DLG2: variants seen among roughly 807,000 people sequenced by gnomAD.
The protein encoded by DLG2 is disks large homolog 2.
DLG2 carries 45 observed loss-of-function variants against 132.5 expected under a neutral mutation model. The observed-to-expected ratio is 0.34, with a 90% CI of 0.27 to 0.44. The LOEUF (loss-of-function observed/expected upper bound fraction) is 0.44, where lower values mean the gene tolerates loss of function less well. Ranked by LOEUF, DLG2 falls within the 20% of genes least tolerant of loss-of-function variation. The pLI, the probability that DLG2 is intolerant of heterozygous loss-of-function variation, is 1.00. For missense variants in DLG2, 1,045 were observed against 1,196.9 expected (o/e 0.87, Z 1.87); for synonymous variants, 424 against 419.6 (o/e 1.01, Z -0.13).
intron 10 of DLG2, among the ~76,000 whole-genome samples, chr11:84,072,510 T>G (rs1043757211): frequency 6.6e-6 from 1 of 152,160 alleles, no homozygotes; most frequent in Non-Finnish European, 1.5e-5. Context: ...ATTTGGTTTT[T>G]GGGGGCCAAG....
At chr11:85,267,897 T>A (rs1211949161) in intron 4 of DLG2, among the ~76,000 whole-genome samples, 1 of 151,794 alleles carries the variant, frequency 6.6e-6, no homozygotes, top group East Asian at 1.9e-4. Flanking sequence ...TGTGTGTGTG[T>A]GTGTGTGTGT....
chr11:83,771,780 A>G (rs186417124), intron 18 of DLG2, among the ~76,000 whole-genome samples: 128 of 152,350 alleles, frequency 8.4e-4, no homozygotes, highest in Non-Finnish European at 1.5e-3. Flanking sequence ...GAAATCAATC[A>G]TTTATAAAAT....
chr11:84,466,699 T>C (rs941959383), intron 7 of DLG2, among the ~76,000 whole-genome samples: 10 of 151,346 alleles, frequency 6.6e-5, no homozygotes, highest in Non-Finnish European at 1.5e-4. Flanking sequence ...AGAATACCTA[T>C]GAGAGTACTT....
At chr11:84,420,489 C>T (rs1261697608) in intron 7 of DLG2, among the ~76,000 whole-genome samples, 2 of 152,010 alleles carry the variant, frequency 1.3e-5, no homozygotes, top group African/African-American at 4.8e-5. Flanking sequence ...CCCCAACACC[C>T]ACCAGCATCA....
At chr11:83,484,346 A>G in intron 21 of DLG2, 118 bp from the exon 22 acceptor site, 1 of 706,514 alleles carries the variant, frequency 1.4e-6, no homozygotes, top group South Asian at 1.8e-5. Flanking sequence ...CAAGTGGATA[A>G]TTCTAAAGTG....
At chr11:85,520,807 C>G (rs1242881083) in intron 3 of DLG2, among the ~76,000 whole-genome samples, 1 of 152,110 alleles carries the variant, frequency 6.6e-6, no homozygotes, top group African/African-American at 2.4e-5. Flanking sequence ...GCTGGATATT[C>G]ATATGCAGAA....
intron 15 of DLG2, among the ~76,000 whole-genome samples, chr11:83,881,052 A>C (rs916339969): frequency 2.0e-4 from 31 of 152,136 alleles, no homozygotes; most frequent in Non-Finnish European, 3.8e-4. Context: ...TTTTTTAAAA[A>C]AAATGATAAA....
At chr11:85,491,138 A>T (rs181610751) in intron 3 of DLG2, among the ~76,000 whole-genome samples, 117 of 152,272 alleles carry the variant, frequency 7.7e-4, no homozygotes, top group African/African-American at 2.8e-3. Context: ...AACAAACGTG[A>T]TACCTTATAT....
At chr11:84,731,811 A>G (rs960949308) in intron 6 of DLG2, among the ~76,000 whole-genome samples, 1 of 152,052 alleles carries the variant, frequency 6.6e-6, no homozygotes, top group Admixed American at 6.6e-5. Context: ...AAATATTTAC[A>G]TTTAAATCTG....
At chr11:85,291,885 A>G (rs2078916539) in intron 3 of DLG2, among the ~76,000 whole-genome samples, 1 of 152,106 alleles carries the variant, frequency 6.6e-6, no homozygotes, top group South Asian at 2.1e-4. Flanking sequence ...ACGCCTGGCC[A>G]GGATTCTCTT....
chr11:84,942,668 C>G (rs1362634747), intron 6 of DLG2, among the ~76,000 whole-genome samples: 1 of 152,092 alleles, frequency 6.6e-6, no homozygotes, highest in Non-Finnish European at 1.5e-5. Context: ...AGAATGACCC[C>G]TGTGCTAAGG....
chr11:83,958,600 T>C (rs1019689754), intron 14 of DLG2, among the ~76,000 whole-genome samples: 1 of 152,182 alleles, frequency 6.6e-6, no homozygotes, highest in African/African-American at 2.4e-5. Context: ...AGTTTTACTT[T>C]GCATTACCAA....
rs765549258 is a variant in DLG2 at position 83,980,511 on chromosome 11, G to T, written c.1051C>A (p.Leu351Ile). 6.2e-7 allele frequency: 1 copy of T among 1,612,686 alleles called. No homozygotes were observed. The highest frequency in any genetic ancestry group is 8.5e-7 in the Non-Finnish European group (1 of 1,179,390). ...DGRLQVGDRL[L>I]MVNNYSLEEV... is the part of the protein sequence containing the mutation. ...TTTGCTGGAGTCACACTCACCATTA[G>T]TAGTCTATCTCCTACTTGCAACCTT... The change falls in exon 12 of 28, where the codon CTA (leucine) becomes ATA (isoleucine). Residue 351 changes from leucine to isoleucine, a missense_variant. Transcript: ENST00000376104.
At chr11:83,936,091 C>G (rs1386501018) in intron 14 of DLG2, among the ~76,000 whole-genome samples, 2 of 152,170 alleles carry the variant, frequency 1.3e-5, no homozygotes, top group African/African-American at 4.8e-5. Flanking sequence ...TGTTGGTCCC[C>G]TTTGTGAGAA....
chr11:84,517,538 T>A (rs757202993), intron 7 of DLG2, among the ~76,000 whole-genome samples: 1 of 152,018 alleles, frequency 6.6e-6, no homozygotes, highest in Non-Finnish European at 1.5e-5. Flanking sequence ...ACTTACACAC[T>A]GTTGATGGGA....
intron 7 of DLG2, among the ~76,000 whole-genome samples, chr11:84,352,365 A>G (rs1049701186): frequency 6.6e-6 from 1 of 152,220 alleles, no homozygotes; most frequent in Non-Finnish European, 1.5e-5. Context: ...GGTATTATGT[A>G]TGAAGCCCTT....
At chr11:83,799,223 T>C (rs7107821) in intron 17 of DLG2, among the ~76,000 whole-genome samples, 7,897 of 152,196 alleles carry the variant, frequency 0.052, 671 homozygotes, top group African/African-American at 0.18. Context: ...GCATAGAACA[T>C]AGATAGGGAG....
At chr11:84,607,110 C>G (rs947087635) in intron 6 of DLG2, among the ~76,000 whole-genome samples, 2 of 152,008 alleles carry the variant, frequency 1.3e-5, no homozygotes, top group African/African-American at 2.4e-5. Context: ...ACACTACATG[C>G]TTAGTAAGTA....
At chr11:84,016,966 G>T (rs2095223032) in intron 11 of DLG2, among the ~76,000 whole-genome samples, 1 of 152,016 alleles carries the variant, frequency 6.6e-6, no homozygotes, top group African/African-American at 2.4e-5. Context: ...CCCAATGGAA[G>T]TAACTTTTTC....
Sources: gnomAD v4.1 joint callset for allele counts (sites outside exome capture counted in the v4.1 genomes callset) on GRCh38, gnomAD v4.1.1 for gene constraint, MANE v1.5 for transcripts, NCBI Gene and HGNC (gene_info 2026-07-23, HGNC 2026-07-21) for gene names.